SPON1: variants seen among roughly 807,000 people sequenced by gnomAD.
SPON1 encodes the protein spondin 1.
Under a neutral mutation model 111.7 loss-of-function variants are expected in SPON1, and 52 were observed. The observed-to-expected ratio is 0.47, with a 90% confidence interval of 0.37 to 0.59. The LOEUF is 0.59. Ranked by LOEUF, SPON1 falls within the 20% of genes least tolerant of loss-of-function variation. The pLI, the probability that SPON1 is intolerant of heterozygous loss-of-function variation, is 0.00. For synonymous variants in SPON1, 410 were observed against 395.8 expected (o/e 1.04, Z -0.43); for missense variants, 957 against 1,068.5 (o/e 0.90, Z 1.46).
chr11:14,132,142 G>T (rs1167308245), intron 5 of SPON1, among the ~76,000 whole-genome samples: 1 of 152,146 alleles, frequency 6.6e-6, no homozygotes, highest in Non-Finnish European at 1.5e-5. Context: ...GCTGGGCGTG[G>T]TGGCGGACGC....
In SPON1 at chr11:14,259,386, G is replaced by C. The variant is rs782441234; in HGVS notation, c.1599G>C (p.Glu533Asp). 1 of 1,611,348 alleles carries C rather than the reference G, an allele frequency of 6.2e-7. No individual in the cohort carries two copies. Among genetic ancestry groups the C allele is most frequent in the East Asian group, 2.2e-5 (1 of 44,802 alleles). Reference sequence around the variant, plus strand: ...AGAGGTATGTGAAGCAGTTCCCGGAGGACGGCTCCGTGTGCACGCTGCCCA... The same window carrying C: ...AGAGGTATGTGAAGCAGTTCCCGGACGACGGCTCCGTGTGCACGCTGCCCA... ...SRERYVKQFP[E>D]DGSVCTLPTE... The change falls in exon 12 of 16, where the codon GAG (glutamate) becomes GAC (aspartate). Residue 533 changes from glutamate to aspartate, a missense_variant. This residue lies in a region of SPON1 where 549 missense variants were observed against 606.2 expected (regional missense o/e 0.91). Coordinates refer to ENST00000576479, the MANE Select transcript of SPON1 (RefSeq NM_006108.4). This position sits in a 1 kb window ranked among gnomAD's most constrained non-coding sequence, Gnocchi z 5.0.
chr11:14,080,162 T>C lies in SPON1; in HGVS notation c.676+141T>C, dbSNP rs1161130799. On this transcript the variant is annotated intron_variant, in intron 5 of 15. Transcript: ENST00000576479. ...ATGAAATGCACAATCCAAGTATGTA[T>C]ATTAATCAAGACAGGCAGACATTAT... The C allele has an allele frequency of 8.8e-6, 8 of 904,242 alleles. No homozygotes were observed. The African/African-American group carries it at 9.8e-5, about 11-fold the overall frequency. 56.0% of individuals were successfully genotyped at this position (904,242 alleles called of 1,614,324 possible).
chr11:14,140,047 A>C, intron 6 of SPON1, among the ~76,000 whole-genome samples: 1 of 152,194 alleles, frequency 6.6e-6, no homozygotes, highest in Non-Finnish European at 1.5e-5. Context: ...CGAAATTAAC[A>C]AAGTGGGAGA....
At chr11:14,047,154 A>G (rs1848674537) in intron 3 of SPON1, among the ~76,000 whole-genome samples, 1 of 152,118 alleles carries the variant, frequency 6.6e-6, no homozygotes, top group African/African-American at 2.4e-5. Flanking sequence ...ATATATATAT[A>G]TACCTTTTGT....
At position 14,235,678 on chromosome 11, in the gene SPON1, C is replaced by CAA. The variant is rs56925967; in HGVS notation, c.826-7626_826-7625dup. On this transcript the variant is annotated intron_variant, in intron 6 of 15. Transcript: ENST00000576479. ...TAGGCAACAGAGAAAGACCCTGCCT[C>CAA]AAAAAAAAAAAAAAAAAAAAAAAAA... is the stretch of plus-strand genomic sequence containing the variant. Among the ~76,000 whole-genome samples the CAA allele has an allele frequency of 1.4e-3, 103 of 71,386 alleles. 1 individual carries two copies. The highest frequency in any genetic ancestry group is 9.3e-3 in the Middle Eastern group (1 of 108). The allele number at this position is 71,386 out of a possible 152,430, so 46.8% of individuals were successfully genotyped here.
chr11:14,262,005 T>G (rs782704899), intron 14 of SPON1, among the ~76,000 whole-genome samples: 2 of 152,022 alleles, frequency 1.3e-5, no homozygotes, highest in Non-Finnish European at 2.9e-5. Flanking sequence ...TTGGAATAAT[T>G]TACCTCCCTG....
At chr11:14,005,617 G>A (rs1224323641) in intron 2 of SPON1, among the ~76,000 whole-genome samples, 1 of 152,170 alleles carries the variant, frequency 6.6e-6, no homozygotes, top group Middle Eastern at 3.2e-3. Context: ...CTCTTGCTGT[G>A]TAACTTTAAC....
Position 14,137,555 on chromosome 11 carries a change from T to C in SPON1, c.825+1987T>C, listed in dbSNP as rs950893638. Among the ~76,000 whole-genome samples, 4 of 152,238 alleles carry C rather than the reference T, an allele frequency of 2.6e-5. No homozygotes were observed. The South Asian group carries it at 6.2e-4, about 24-fold the overall frequency. The stretch of plus-strand genomic sequence containing the variant: ...GCTATTATTATCCCAGTTTTACAGA[T>C]AAGGAAACCAAGGCATGGTCAACAG... On this transcript the variant is annotated intron_variant, in intron 6 of 15. Coordinates refer to ENST00000576479, the MANE Select transcript of SPON1 (RefSeq NM_006108.4).
At chr11:14,049,223 C>T (rs1848690789) in intron 3 of SPON1, among the ~76,000 whole-genome samples, 1 of 152,180 alleles carries the variant, frequency 6.6e-6, no homozygotes, top group African/African-American at 2.4e-5. Context: ...TCAGGTTGAA[C>T]TCTGACTCTT....
chr11:14,259,984 G>GTGTC lies in SPON1; in HGVS notation c.1831+285_1831+288dup, dbSNP rs1296512081. Among the ~76,000 whole-genome samples the GTGTC allele has an allele frequency of 6.6e-6, 1 of 152,180 alleles. No individual in the cohort carries two copies. The highest frequency in any genetic ancestry group is 1.9e-4 in the East Asian group (1 of 5,198). On this transcript the variant is annotated intron_variant, in intron 13 of 15. Transcript: ENST00000576479. The surrounding 1 kb of genome is among the most constrained non-coding windows in gnomAD (Gnocchi z 5.0). ...TCACCTGCAGCTGTGTTTTATAGGA[G>GTGTC]TGTCTTTCTTGCAGTGGTGGGGAGG...
intron 5 of SPON1, among the ~76,000 whole-genome samples, chr11:14,117,881 G>C (rs937932443): frequency 2.6e-5 from 4 of 152,152 alleles, no homozygotes; most frequent in African/African-American, 4.8e-5. Flanking sequence ...TCCTCCCTGA[G>C]CCTGTTTCCT....
At chr11:14,157,619 G>A (rs560627436) in intron 6 of SPON1, among the ~76,000 whole-genome samples, 2 of 151,958 alleles carry the variant, frequency 1.3e-5, no homozygotes, top group African/African-American at 2.4e-5. Context: ...TCAAACATTG[G>A]TTCTATCCCA....
intron 2 of SPON1, among the ~76,000 whole-genome samples, chr11:14,026,766 A>G (rs1554915371): frequency 6.6e-6 from 1 of 152,210 alleles, no homozygotes; most frequent in Non-Finnish European, 1.5e-5. Context: ...CTTCTCTTCT[A>G]TGTATAATCT....
chr11:14,081,340 A>G (rs542067103), intron 5 of SPON1, among the ~76,000 whole-genome samples: 1 of 152,306 alleles, frequency 6.6e-6, no homozygotes, highest in African/African-American at 2.4e-5. Context: ...GACACTAACC[A>G]AATAGTCATG....
At chr11:14,016,467 A>G (rs1554914294) in intron 2 of SPON1, among the ~76,000 whole-genome samples, 1 of 152,218 alleles carries the variant, frequency 6.6e-6, no homozygotes, top group African/African-American at 2.4e-5. Context: ...AAAATAATTT[A>G]TTTGGACCCA....
chr11:14,168,909 C>T (rs1848065241), intron 6 of SPON1, among the ~76,000 whole-genome samples: 1 of 152,154 alleles, frequency 6.6e-6, no homozygotes, highest in African/African-American at 2.4e-5. Context: ...CATTGTTGAA[C>T]ATTTGGGTTG....
rs1207793894 is a variant in SPON1, at chr11:14,247,333, C to T, written c.890+3937C>T. Among the ~76,000 whole-genome samples the T allele has an allele frequency of 1.2e-4, 18 of 152,192 alleles. No individual in the cohort carries two copies. In the East Asian group the frequency reaches 1.5e-3, roughly 13 times the overall value. On this transcript the variant is annotated intron_variant, in intron 7 of 15. Transcript: ENST00000576479. ...GCTGAGGCAGGAGGATCACTTTAGC[C>T]GAGGAGGCTGAGGCTGCAGTGAACC...
intron 5 of SPON1, among the ~76,000 whole-genome samples, chr11:14,121,828 G>A (rs1038558496): frequency 5.3e-5 from 8 of 150,906 alleles, no homozygotes; most frequent in African/African-American, 1.2e-4. Context: ...TTAAAAAAAC[G>A]TTTTATTTTT....
chr11:14,094,591 G>T (rs1240471854), intron 5 of SPON1, among the ~76,000 whole-genome samples: 4 of 152,062 alleles, frequency 2.6e-5, no homozygotes, highest in Non-Finnish European at 4.4e-5. Flanking sequence ...AACCACTAGG[G>T]TGTTGGCATG....
Sources: gnomAD v4.1 joint callset for allele counts (sites outside exome capture counted in the v4.1 genomes callset) on GRCh38, gnomAD v4.1.1 for gene constraint, gnomAD v4.1.1 regional missense constraint, Gnocchi (gnomAD v3.1) non-coding constraint, MANE v1.5 for transcripts, NCBI Gene and HGNC (gene_info 2026-07-23, HGNC 2026-07-21) for gene names.